Variants in PKN3 observed in about 807,000 individuals in gnomAD.
The protein encoded by PKN3 is protein kinase N3, also known as serine/threonine-protein kinase N3.
In PKN3, 91 loss-of-function variants were observed where a neutral mutation model predicts 113.1. The observed-to-expected ratio is 0.80, with a 90% CI of 0.68 to 0.96. The LOEUF is 0.96. PKN3 is among the 40% of genes least tolerant of loss of function. PKN3 has a pLI of 0.00. For synonymous variants in PKN3, 467 were observed against 499.0 expected (o/e 0.94, Z 0.85); for missense variants, 1,052 against 1,202.2 (o/e 0.88, Z 1.85).
Position 128,702,558 on chromosome 9 carries a change from A to C in PKN3, c.-358A>C. 3.8e-6 allele frequency: 1 copy of C among 262,058 alleles called. No individual in the cohort carries two copies. The highest frequency in any genetic ancestry group is 7.1e-6 in the Non-Finnish European group (1 of 140,362). 16.2% of individuals were successfully genotyped at this position (262,058 alleles called of 1,614,324 possible). ...GGCGCGCGGCGGGGAAGGCCAGAGG[A>C]CCTGGGCGCGGGCGATGTGCCTCCT... On this transcript the variant is annotated 5_prime_UTR_variant, in exon 1 of 22. Coordinates refer to ENST00000291906, the MANE Select transcript of PKN3 (RefSeq NM_013355.5).
rs968148279 is a variant in PKN3 at position 128,716,787 on chromosome 9, A to G, written c.1849A>G (p.Thr617Ala). 45 of 1,613,928 alleles carry G rather than the reference A, an allele frequency of 2.8e-5. 1 individual carries two copies. The highest frequency in any genetic ancestry group is 3.8e-5 in the Non-Finnish European group (45 of 1,179,994). ...EKRILEAVGC[T>A]GHPFLLSLLA... ...GCGGATCCTGGAGGCTGTGGGCTGC[A>G]CAGGGCACCCTTTCCTGCTCTCCCT... The change falls in exon 16 of 22, where the codon ACA becomes GCA. Residue 617 changes from threonine (T) to alanine (A), a missense_variant. By Grantham distance (58) the Thr-to-Ala change is moderately conservative (BLOSUM62 0). Around this residue, in one of 2 missense-constraint regions of PKN3, gnomAD observed 333 missense variants for 442.8 expected, o/e 0.75. Coordinates refer to ENST00000291906, the MANE Select transcript of PKN3 (RefSeq NM_013355.5).
intron 6 of PKN3, 40 bp downstream of exon 6, chr9:128,707,445 T>C (rs1317761589): frequency 6.5e-7 from 1 of 1,535,900 alleles, no homozygotes; most frequent in African/African-American, 1.4e-5. Context: ...TCTCCTTCTT[T>C]TTGGGGGGAG....
intron 6 of PKN3, among the ~76,000 whole-genome samples, chr9:128,711,891 G>T (rs1278369071): frequency 2.1e-5 from 3 of 139,582 alleles, no homozygotes; most frequent in Admixed American, 7.6e-5. Context: ...GAGCCACCAC[G>T]CCCGGCCTCA....
Position 128,706,806 on chromosome 9 carries a change from A to G in PKN3, c.505A>G (p.Ser169Gly), listed in dbSNP as rs1406411254. Reference protein sequence around the residue: ...LRMKISSLEASGSPEPGPELL... With the variant: ...LRMKISSLEAGGSPEPGPELL... ...GATGAAGATCAGCAGCCTGGAGGCC[A>G]GTGGGTCCCCGGAGCCAGGTGAGGC... Residue 169 changes from serine to glycine, a missense_variant, in exon 4 of 22, where the codon AGT becomes GGT. Ser to Gly is a moderately conservative substitution (Grantham distance 56, BLOSUM62 0). Coordinates refer to ENST00000291906, the MANE Select transcript of PKN3 (RefSeq NM_013355.5). The G allele has an allele frequency of 1.2e-6, 2 of 1,610,678 alleles. No individual in the cohort carries two copies. Among genetic ancestry groups the G allele is most frequent in the Admixed American group, 1.7e-5 (1 of 59,906 alleles).
chr9:128,711,886 A>G (rs1271657307), intron 6 of PKN3, among the ~76,000 whole-genome samples: 1 of 146,104 alleles, frequency 6.8e-6, no homozygotes, highest in Non-Finnish European at 1.5e-5. Flanking sequence ...GGTGTGAGCC[A>G]CCACGCCCGG....
In PKN3 at chr9:128,702,741, G is replaced by T; in HGVS notation, c.-175G>T. 1 of 539,130 alleles carries T rather than the reference G, an allele frequency of 1.9e-6. No homozygotes were observed. The highest frequency in any genetic ancestry group is 2.4e-5 in the South Asian group (1 of 42,418). 33.4% of individuals were successfully genotyped at this position (539,130 alleles called of 1,614,324 possible). On this transcript the variant is annotated 5_prime_UTR_variant, in exon 1 of 22. An upstream open reading frame in the 5' UTR gains an earlier in-frame stop. Transcript: ENST00000291906. The stretch of plus-strand genomic sequence containing the variant: ...GGGGTCCCGGGCGCTGGATCGGCGC[G>T]GACGGGAGGCGGCGCTGGTCCCGCG...
chr9:128,707,983 A>T (rs1228801762), intron 6 of PKN3, among the ~76,000 whole-genome samples: 2 of 150,272 alleles, frequency 1.3e-5, no homozygotes, highest in Admixed American at 1.3e-4. Context: ...GAGGCAGAGA[A>T]TTGATTGAAC....
chr9:128,714,496 G>A (rs1862280168), intron 11 of PKN3, 66 bp from the exon 12 acceptor site: 2 of 1,020,356 alleles, frequency 2.0e-6, no homozygotes. Flanking sequence ...CTTTGGGTTG[G>A]TGTGTCCATC....
In PKN3 at chr9:128,705,737, C is replaced by T. The variant is rs766751863; in HGVS notation, c.269C>T (p.Pro90Leu). ...TGCTCGATACCCCCGTGCACAGAGC[C>T]TGTGGCCTCAGGACCCCGGCCGTGG... The part of the protein sequence containing the change: ...LPGPGPGPAE[P>L]VASGPRPWAE... The change falls in exon 3 of 22, where the codon CCT becomes CTT. Residue 90 changes from proline to leucine, a missense_variant. Pro to Leu is a moderately conservative substitution (Grantham distance 98). Around this residue, in one of 2 missense-constraint regions of PKN3, gnomAD observed 719 missense variants for 759.4 expected, o/e 0.95. Transcript: ENST00000291906. 2.0e-5 allele frequency: 32 copies of T among 1,603,992 alleles called. No individual in the cohort carries two copies. The highest frequency in any genetic ancestry group is 2.7e-5 in the Non-Finnish European group (32 of 1,175,588).
At position 128,718,374 on chromosome 9, in the gene PKN3, A is replaced by G. The variant is rs748535515; in HGVS notation, c.2035A>G (p.Lys679Glu). Residue 679 changes from lysine (K) to glutamate (E), a missense_variant, in exon 17 of 22, where the codon AAG becomes GAG. Physicochemically the swap from Lys to Glu is moderately conservative, Grantham distance 56 (BLOSUM62 1). Coordinates refer to ENST00000291906, the MANE Select transcript of PKN3 (RefSeq NM_013355.5). Reference protein sequence around the residue: ...VLGLQFLHEKKIIYRDLKLDN... With the variant: ...VLGLQFLHEKEIIYRDLKLDN... ...GGGGCTGCAGTTCTTACACGAGAAG[A>G]AGATCATTTACAGGTGACTTTTGTC... 5 of 1,612,908 alleles carry G rather than the reference A, an allele frequency of 3.1e-6. No homozygotes were observed. The highest frequency in any genetic ancestry group is 3.3e-5 in the Admixed American group (2 of 59,976).
At chr9:128,704,964 T>G (rs1474521415) in intron 1 of PKN3, among the ~76,000 whole-genome samples, 1 of 150,414 alleles carries the variant, frequency 6.6e-6, no homozygotes, top group African/African-American at 2.4e-5. Flanking sequence ...ATGGGGGTAA[T>G]GACCACCGCT....
Position 128,707,239 on chromosome 9 carries a change from G to C in PKN3, c.669G>C (p.Gln223His). ...CTCTGCAGGCCCAGGCCCAGCTACA[G>C]GAGTCCTCTCAGAAACTGGACCTCC... The part of the protein sequence containing the change: ...KALAEAQAQL[Q>H]ESSQKLDLLR... The change falls in exon 6 of 22, where the codon CAG (glutamine) becomes CAC (histidine). Residue 223 changes from glutamine (Q) to histidine (H), a missense_variant. Around this residue, in one of 2 missense-constraint regions of PKN3, gnomAD observed 719 missense variants for 759.4 expected, o/e 0.95. Transcript: ENST00000291906. 6.2e-7 allele frequency: 1 copy of C among 1,609,784 alleles called. No individual in the cohort carries two copies. The highest frequency in any genetic ancestry group is 8.5e-7 in the Non-Finnish European group (1 of 1,176,934).
rs115099844 is a variant in PKN3 at position 128,703,071 on chromosome 9, G to T, written c.24+132G>T. ...GCGCCCCTTCCCTGCCCCTGCCCTG[G>T]CCCCGGCCCCGCGACGCCCTCGCAG... is the stretch of plus-strand genomic sequence containing the variant. On this transcript the variant is annotated intron_variant, in intron 1 of 21. Transcript: ENST00000291906. 1.9e-3 allele frequency: 1,239 copies of T among 642,298 alleles called. 9 individuals are homozygous for T. The African/African-American group carries it at 0.022, about 11-fold the overall frequency. The allele number at this position is 642,298 out of a possible 1,614,324, so 39.8% of individuals were successfully genotyped here. A position where few individuals can be genotyped will look rare whatever the true frequency, so the allele number is the denominator to read the frequency against.
intron 18 of PKN3, among the ~76,000 whole-genome samples, chr9:128,719,314 C>A (rs577698934): frequency 1.3e-5 from 2 of 151,796 alleles, no homozygotes; most frequent in African/African-American, 4.8e-5. Flanking sequence ...CTCAGCCTCC[C>A]GAGTACCTGC....
chr9:128,707,108 T>C lies in PKN3; in HGVS notation c.651+85T>C. ...GGGGTGTGAAGGGAGGGTGGCCGTGTAAAAGCAGGACTTCTCTGTTGAGAC... is the reference window on the plus strand; with the variant it reads ...GGGGTGTGAAGGGAGGGTGGCCGTGCAAAAGCAGGACTTCTCTGTTGAGAC... On this transcript the variant is annotated intron_variant, in intron 5 of 21. Coordinates refer to ENST00000291906, the MANE Select transcript of PKN3 (RefSeq NM_013355.5). The C allele has an allele frequency of 1.9e-6, 3 of 1,596,870 alleles. No homozygotes were observed. In the Admixed American group the frequency reaches 5.0e-5, roughly 27 times the overall value.
rs1231444923 is a variant in PKN3 at position 128,715,211 on chromosome 9, G to A, written c.1692G>A (p.Val564=). The A allele has an allele frequency of 1.2e-6, 2 of 1,614,122 alleles. No individual in the cohort carries two copies. The highest frequency in any genetic ancestry group is 1.7e-6 in the Non-Finnish European group (2 of 1,180,018). The change falls in exon 14 of 22, where the codon GTG becomes GTA. Residue 564 remains valine, a synonymous_variant. Transcript: ENST00000291906. The surrounding 1 kb of genome is among the most constrained non-coding windows in gnomAD (Gnocchi z 4.1). ...TTCAGGACTTCCGCTGCTTAGCTGT[G>A]CTGGGCCGGGGACACTTTGGGAAGG... ...PRLQDFRCLA[V]LGRGHFGKVL... is the part of the protein sequence containing the mutation.
intron 6 of PKN3, among the ~76,000 whole-genome samples, chr9:128,707,854 T>G (rs1862064973): frequency 6.6e-6 from 1 of 151,092 alleles, no homozygotes; most frequent in Non-Finnish European, 1.5e-5. Flanking sequence ...GGGTGGATCA[T>G]GAGGTCAGGA....
At chr9:128,719,497 C>T (rs1862457326) in intron 18 of PKN3, among the ~76,000 whole-genome samples, 189 bp from the exon 19 acceptor site, 1 of 152,146 alleles carries the variant, frequency 6.6e-6, no homozygotes, top group Admixed American at 6.6e-5. Flanking sequence ...CCGAGTTCTG[C>T]CTTCTGTGAC....
Position 128,714,084 on chromosome 9 carries a change from G to A in PKN3, c.1275G>A (p.Arg425=), listed in dbSNP as rs768704627. 2 of 1,614,130 alleles carry A rather than the reference G, an allele frequency of 1.2e-6. No homozygotes were observed. The highest frequency in any genetic ancestry group is 1.7e-6 in the Non-Finnish European group (2 of 1,180,002). The change falls in exon 10 of 22, where the codon CGG becomes CGA. Residue 425 remains arginine (R), a synonymous_variant. Coordinates refer to ENST00000291906, the MANE Select transcript of PKN3 (RefSeq NM_013355.5). ...FCDPVIERRP[R]LQRQERIFSK... is the part of the protein sequence containing the mutation. ...ATCCTGTCATTGAGAGGCGGCCCCG[G>A]CTGCAGAGGCAGGAACGCATCTTCT...
Sources: allele counts gnomAD v4.1 joint callset (sites outside exome capture counted in the v4.1 genomes callset), GRCh38; gene constraint gnomAD v4.1.1; regional missense constraint gnomAD v4.1.1; non-coding constraint Gnocchi (gnomAD v3.1); transcripts MANE v1.5; gene names NCBI Gene and HGNC (gene_info 2026-07-23, HGNC 2026-07-21).